Variants in MPPED1 observed in about 807,000 individuals in gnomAD.
MPPED1 encodes the protein metallophosphoesterase domain containing 1, also known as metallophosphoesterase domain-containing protein 1.
Under a neutral mutation model 36.2 loss-of-function variants are expected in MPPED1, and 16 were observed. That is an observed-to-expected ratio of 0.44 (90% CI 0.30 to 0.67). The LOEUF is 0.67. Ranked by LOEUF, MPPED1 falls within the 30% of genes least tolerant of loss-of-function variation. The pLI, the probability that MPPED1 is intolerant of heterozygous loss-of-function variation, is 0.10. For missense variants in MPPED1, 307 were observed against 453.4 expected (o/e 0.68, Z 2.93); for synonymous variants, 199 against 191.3 (o/e 1.04, Z -0.33).
At chr22:43,482,542 G>A (rs147287685) in intron 4 of MPPED1, among the ~76,000 whole-genome samples, 1 of 152,202 alleles carries the variant, frequency 6.6e-6, no homozygotes, top group African/African-American at 2.4e-5. Context: ...ATCCTGGTAC[G>A]TGGCTCCCAG....
intron 2 of MPPED1, among the ~76,000 whole-genome samples, chr22:43,425,573 G>A (rs1379319175): frequency 6.6e-6 from 1 of 152,236 alleles, no homozygotes; most frequent in African/African-American, 2.4e-5. Context: ...CGTCTGGCGG[G>A]GGCCACATTC....
intron 1 of MPPED1, chr22:43,418,761 A>G (rs1929162798): frequency 6.5e-6 from 1 of 152,904 alleles, no homozygotes; most frequent in African/African-American, 2.4e-5. Context: ...CAGTGTCCAG[A>G]TGGGGGTGGT....
chr22:43,454,672 T>C (rs750821848), intron 3 of MPPED1, among the ~76,000 whole-genome samples: 2 of 152,170 alleles, frequency 1.3e-5, no homozygotes, highest in African/African-American at 2.4e-5. Context: ...CACCTCAGCC[T>C]CCTGAATAGC....
intron 2 of MPPED1, among the ~76,000 whole-genome samples, chr22:43,433,629 G>T (rs917992796): frequency 6.6e-6 from 1 of 151,702 alleles, no homozygotes; most frequent in African/African-American, 2.4e-5. Flanking sequence ...CCGCGGCATC[G>T]TGGTGGGGAG....
chr22:43,448,373 T>C (rs1355040299), intron 3 of MPPED1, among the ~76,000 whole-genome samples: 1 of 152,198 alleles, frequency 6.6e-6, no homozygotes, highest in Non-Finnish European at 1.5e-5. Flanking sequence ...TCATTGTAGC[T>C]GATTTGAAAT....
At chr22:43,419,765 A>G (rs1044131306) in intron 1 of MPPED1, among the ~76,000 whole-genome samples, 2 of 152,094 alleles carry the variant, frequency 1.3e-5, no homozygotes, top group African/African-American at 2.4e-5. Context: ...AGAGAGGCAC[A>G]GAGAGGTGGG....
intron 3 of MPPED1, among the ~76,000 whole-genome samples, chr22:43,437,180 C>T (rs992368741): frequency 1.3e-5 from 2 of 152,122 alleles, no homozygotes; most frequent in African/African-American, 4.8e-5. Flanking sequence ...AAGCGAGACA[C>T]CTTGGTTGGC....
At chr22:43,440,140 C>T (rs1054707512) in intron 3 of MPPED1, among the ~76,000 whole-genome samples, 3 of 152,278 alleles carry the variant, frequency 2.0e-5, no homozygotes, top group Non-Finnish European at 4.4e-5. Context: ...GCAGCCCTGT[C>T]TGTCAGCTGG....
intron 4 of MPPED1, among the ~76,000 whole-genome samples, chr22:43,495,022 C>G (rs1408054280): frequency 6.6e-6 from 1 of 152,160 alleles, no homozygotes; most frequent in Non-Finnish European, 1.5e-5. Context: ...ACCCCACCTC[C>G]TAGTACTAGC....
chr22:43,485,060 T>C (rs1931868289), intron 4 of MPPED1, among the ~76,000 whole-genome samples: 1 of 151,884 alleles, frequency 6.6e-6, no homozygotes, highest in Admixed American at 6.6e-5. Flanking sequence ...CACACATTCA[T>C]GTACATGCAC....
intron 6 of MPPED1, among the ~76,000 whole-genome samples, chr22:43,504,605 T>C (rs1031966059): frequency 6.6e-6 from 1 of 151,286 alleles, no homozygotes; most frequent in Non-Finnish European, 1.5e-5. Flanking sequence ...GGTGGCGGTA[T>C]GTTGGTGACG....
chr22:43,448,984 ACT>A (rs1491386161), intron 3 of MPPED1, among the ~76,000 whole-genome samples: 1 of 149,968 alleles, frequency 6.7e-6, no homozygotes, highest in Non-Finnish European at 1.5e-5. Context: ...CCAGCCCCTG[ACT>A]CTTTTTTTTT....
At chr22:43,459,513 C>T (rs1222697037) in intron 3 of MPPED1, among the ~76,000 whole-genome samples, 1 of 152,228 alleles carries the variant, frequency 6.6e-6, no homozygotes, top group East Asian at 1.9e-4. Context: ...CATTTTTCTT[C>T]ATTCTTTTTC....
intron 3 of MPPED1, among the ~76,000 whole-genome samples, chr22:43,464,772 C>T (rs1284812546): frequency 1.3e-5 from 2 of 152,202 alleles, no homozygotes; most frequent in Non-Finnish European, 2.9e-5. Context: ...TTACCCACTC[C>T]CAGGACTTTG....
intron 3 of MPPED1, among the ~76,000 whole-genome samples, chr22:43,452,167 G>A (rs1930594154): frequency 6.6e-6 from 1 of 152,024 alleles, no homozygotes; most frequent in Non-Finnish European, 1.5e-5. Flanking sequence ...ACAGGCGTGA[G>A]CCATCATGCT....
intron 3 of MPPED1, among the ~76,000 whole-genome samples, chr22:43,447,721 G>A (rs1309841649): frequency 6.6e-6 from 1 of 150,688 alleles, no homozygotes; most frequent in Non-Finnish European, 1.5e-5. Flanking sequence ...TCTCGGGAGG[G>A]CATGACATTC....
chr22:43,423,502 G>C (rs1207835900), intron 1 of MPPED1, among the ~76,000 whole-genome samples: 2 of 152,220 alleles, frequency 1.3e-5, no homozygotes, highest in Non-Finnish European at 2.9e-5. Context: ...TCTGCAGGTG[G>C]AGAAGAGGGA....
intron 4 of MPPED1, among the ~76,000 whole-genome samples, chr22:43,476,930 C>T (rs75142394): frequency 0.042 from 6,402 of 152,242 alleles, 161 homozygotes; most frequent in Admixed American, 0.068. Context: ...ACCCAGCAAG[C>T]TTTCCCCTTG....
intron 3 of MPPED1, among the ~76,000 whole-genome samples, chr22:43,442,325 G>A (rs752161409): frequency 1.7e-4 from 25 of 151,486 alleles, no homozygotes; most frequent in Non-Finnish European, 2.5e-4. Context: ...GCATGCACAA[G>A]CTCCCTCCTT....
Sources: gnomAD v4.1 joint callset for allele counts (sites outside exome capture counted in the v4.1 genomes callset) on GRCh38, gnomAD v4.1.1 for gene constraint, MANE v1.5 for transcripts, NCBI Gene and HGNC (gene_info 2026-07-23, HGNC 2026-07-21) for gene names.